Variants in TTC39B observed in about 807,000 individuals in gnomAD.
TTC39B encodes the protein tetratricopeptide repeat protein 39B.
A neutral mutation model predicts 96.6 loss-of-function variants in TTC39B; 92 were observed. The observed-to-expected ratio is 0.95, with a 90% confidence interval of 0.80 to 1.13. TTC39B has a LOEUF of 1.13. TTC39B is among the 50% of genes most tolerant of loss of function. The pLI is 0.00. For synonymous variants in TTC39B, 367 were observed against 299.4 expected (o/e 1.23, Z -2.33); for missense variants, 955 against 809.3 (o/e 1.18, Z -2.18).
chr9:15,170,623 T>G (rs1233932472), exon 20 of TTC39B: 1 of 152,178 alleles, frequency 6.6e-6, no homozygotes, highest in African/African-American at 2.4e-5. Context: ...GTCATGGAAC[T>G]ATTAACCCAC....
At chr9:15,250,653 A>C (rs887463049) in intron 2 of TTC39B, among the ~76,000 whole-genome samples, 1 of 152,238 alleles carries the variant, frequency 6.6e-6, no homozygotes. Context: ...TTGATAATTG[A>C]TCAACAATAT....
At chr9:15,224,703 C>T (rs551267752) in intron 3 of TTC39B, among the ~76,000 whole-genome samples, 1 of 152,152 alleles carries the variant, frequency 6.6e-6, no homozygotes, top group East Asian at 1.9e-4. Flanking sequence ...AGGAAACTAT[C>T]GAATGAGTTA....
intron 2 of TTC39B, among the ~76,000 whole-genome samples, chr9:15,262,440 C>T (rs545829307): frequency 1.3e-5 from 2 of 152,296 alleles, no homozygotes; most frequent in South Asian, 2.1e-4. Context: ...GTACTACTAA[C>T]ATTTTTGTAC....
At chr9:15,266,658 G>A (rs1265418624) in intron 2 of TTC39B, among the ~76,000 whole-genome samples, 2 of 152,088 alleles carry the variant, frequency 1.3e-5, no homozygotes, top group Admixed American at 6.6e-5. Context: ...ACCCCCACCT[G>A]TACATGCACA....
chr9:15,222,711 G>C (rs1229095423), intron 3 of TTC39B, among the ~76,000 whole-genome samples: 2 of 152,102 alleles, frequency 1.3e-5, no homozygotes, highest in Non-Finnish European at 2.9e-5. Flanking sequence ...ATCTAGGCTT[G>C]GTAAGTGAAC....
exon 5 of TTC39B, chr9:15,211,373 G>A (rs765836805): frequency 6.3e-7 from 1 of 1,588,228 alleles, no homozygotes; most frequent in Non-Finnish European, 8.6e-7. Flanking sequence ...TGTAGCCCAA[G>A]GCATGGTACA....
intron 3 of TTC39B, 113 bp from the exon 4 acceptor site, chr9:15,214,362 C>T (rs200727888): frequency 1.7e-6 from 1 of 578,386 alleles, no homozygotes; most frequent in African/African-American, 2.6e-5. Flanking sequence ...GTGTGTGTGT[C>T]TGTGTGTGTG....
chr9:15,272,285 C>T (rs1317454832), intron 1 of TTC39B, among the ~76,000 whole-genome samples: 1 of 152,186 alleles, frequency 6.6e-6, no homozygotes, highest in Non-Finnish European at 1.5e-5. Context: ...CCACCAAAGT[C>T]TCTTTGCTTC....
At chr9:15,258,643 G>T (rs2131528300) in intron 2 of TTC39B, among the ~76,000 whole-genome samples, 1 of 152,290 alleles carries the variant, frequency 6.6e-6, no homozygotes, top group Middle Eastern at 3.4e-3. Flanking sequence ...GCTGAGCATT[G>T]CTACCAGGGC....
At chr9:15,220,789 A>T (rs1214137337) in intron 3 of TTC39B, among the ~76,000 whole-genome samples, 1 of 152,120 alleles carries the variant, frequency 6.6e-6, no homozygotes. Context: ...GGTGCTGGCA[A>T]TTATTTTGTA....
At chr9:15,280,774 G>C (rs1823732496) in intron 1 of TTC39B, among the ~76,000 whole-genome samples, 1 of 152,184 alleles carries the variant, frequency 6.6e-6, no homozygotes, top group African/African-American at 2.4e-5. Flanking sequence ...TGAGAACTTA[G>C]CTTGAGTCTG....
chr9:15,201,271 A>C (rs1158241264), intron 7 of TTC39B, among the ~76,000 whole-genome samples: 3 of 152,140 alleles, frequency 2.0e-5, no homozygotes, highest in Non-Finnish European at 4.4e-5. Context: ...AAAAAAAAAA[A>C]AACAAACATA....
chr9:15,198,698 G>A (rs906577396), intron 8 of TTC39B, among the ~76,000 whole-genome samples: 1 of 151,770 alleles, frequency 6.6e-6, no homozygotes, highest in African/African-American at 2.4e-5. Flanking sequence ...AAAAAAGGGG[G>A]AGAGAACAGA....
Position 15,211,405 on chromosome 9 carries a change from G to A in TTC39B, c.483-8C>T, listed in dbSNP as rs751969873. On this transcript the variant is annotated splice_region_variant and splice_polypyrimidine_tract_variant and intron_variant, in intron 4 of 19. Transcript: ENST00000512701. ...TACATACTCTCCTTAGCCCTGGGAAGAACACAGGGAATTCAGACATTTTAA... is the reference window on the plus strand; with the variant it reads ...TACATACTCTCCTTAGCCCTGGGAAAAACACAGGGAATTCAGACATTTTAA... 50 of 1,470,810 alleles carry A rather than the reference G, an allele frequency of 3.4e-5. No homozygotes were observed. The South Asian group carries it at 7.2e-4, about 21-fold the overall frequency. The allele number at this position is 1,470,810 out of a possible 1,614,324, so 91.1% of individuals were successfully genotyped here.
intron 10 of TTC39B, 59 bp from the exon 11 acceptor site, chr9:15,190,721 A>C: frequency 7.2e-7 from 1 of 1,380,658 alleles, no homozygotes; most frequent in Non-Finnish European, 1.0e-6. Flanking sequence ...ATATTCAGAA[A>C]CTTTTTAAAC....
At chr9:15,194,904 G>A (rs1819066339) in intron 8 of TTC39B, among the ~76,000 whole-genome samples, 2 of 152,130 alleles carry the variant, frequency 1.3e-5, no homozygotes, top group African/African-American at 4.8e-5. Flanking sequence ...TATTCCCTCA[G>A]ACAAAACAAA....
rs1235395090 is a variant in TTC39B at position 15,178,653 on chromosome 9, T to C, written c.1724-839A>G. Among the ~76,000 whole-genome samples, 20 of 152,234 alleles carry C rather than the reference T, an allele frequency of 1.3e-4. 1 individual carries two copies. Among genetic ancestry groups the C allele is most frequent in the Admixed American group, 1.3e-3 (20 of 15,290 alleles). On this transcript the variant is annotated intron_variant, in intron 17 of 19. Coordinates refer to ENST00000512701, the Ensembl canonical transcript of TTC39B. ...ATTAAGGAGTTCACTCTATTCACTTTAAAATATTCTTCAGGTGGTCACGCT... is the reference window on the plus strand; with the variant it reads ...ATTAAGGAGTTCACTCTATTCACTTCAAAATATTCTTCAGGTGGTCACGCT...
chr9:15,256,030 T>G (rs1282554705), intron 2 of TTC39B, among the ~76,000 whole-genome samples: 2 of 152,188 alleles, frequency 1.3e-5, no homozygotes, highest in African/African-American at 2.4e-5. Flanking sequence ...AATGTTTGTG[T>G]CCCTCCAAAA....
At chr9:15,289,615 T>C (rs1424426445) in intron 1 of TTC39B, among the ~76,000 whole-genome samples, 3 of 152,242 alleles carry the variant, frequency 2.0e-5, no homozygotes, top group African/African-American at 7.2e-5. Flanking sequence ...CTCTCGCACA[T>C]GTCTTGCTAG....
Sources: gnomAD v4.1 joint callset for allele counts (sites outside exome capture counted in the v4.1 genomes callset) on GRCh38, gnomAD v4.1.1 for gene constraint, MANE v1.5 for transcripts, NCBI Gene and HGNC (gene_info 2026-07-23, HGNC 2026-07-21) for gene names.